Variants in SLK observed in about 807,000 individuals in gnomAD.
The protein encoded by SLK is STE20 like kinase.
In SLK, 67 loss-of-function variants were observed where a neutral mutation model predicts 147.7. That is an observed-to-expected ratio of 0.45 (90% CI 0.37 to 0.56). The LOEUF is 0.56. SLK is among the 20% of genes least tolerant of loss of function. SLK has a pLI of 0.00. For missense variants in SLK, 1,136 were observed against 1,438.8 expected (o/e 0.79, Z 3.41); for synonymous variants, 441 against 475.0 (o/e 0.93, Z 0.93).
At chr10:103,968,216 G>T (rs1340307929) in intron 1 of SLK, among the ~76,000 whole-genome samples, 2 of 152,208 alleles carry the variant, frequency 1.3e-5, no homozygotes, top group Non-Finnish European at 2.9e-5. Context: ...AAGTATTTTA[G>T]AATGAGAAAC....
chr10:104,015,296 C>T (rs1844448080), intron 13 of SLK, among the ~76,000 whole-genome samples: 1 of 152,164 alleles, frequency 6.6e-6, no homozygotes, highest in African/African-American at 2.4e-5. Flanking sequence ...ACCTGTTGAT[C>T]CCTATCTTAC....
intron 14 of SLK, 136 bp downstream of exon 14, chr10:104,018,425 C>T: frequency 1.3e-6 from 1 of 780,174 alleles, no homozygotes; most frequent in South Asian, 1.8e-5. Context: ...ATTTTGTGTA[C>T]TCATTATGCC....
At chr10:104,022,075 C>A (rs1039841216) in intron 18 of SLK, among the ~76,000 whole-genome samples, 2 of 152,064 alleles carry the variant, frequency 1.3e-5, no homozygotes, top group Non-Finnish European at 2.9e-5. Context: ...TAAGAACTTG[C>A]TAAGCGGATG....
Position 103,967,481 on chromosome 10 carries a change from A to AGG in SLK, c.-263_-262dup, listed in dbSNP as rs1233080386. The AGG allele has an allele frequency of 6.7e-6, 1 of 149,822 alleles. No individual in the cohort carries two copies. Among genetic ancestry groups the AGG allele is most frequent in the East Asian group, 2.0e-4 (1 of 5,074 alleles). The allele number at this position is 149,822 out of a possible 1,614,324, so 9.3% of individuals were successfully genotyped here. On this transcript the variant is annotated 5_prime_UTR_variant, in exon 1 of 19. Coordinates refer to ENST00000369755, the MANE Select transcript of SLK (RefSeq NM_014720.4). The stretch of plus-strand genomic sequence containing the variant: ...GCTTGCGGGCAGGTGCCGCTCCCGG[A>AGG]GGGTGGGCCGGAGGCGAGGCGCCCA...
Position 104,002,961 on chromosome 10 carries a change from G to A in SLK, c.1783G>A (p.Gly595Ser). The A allele has an allele frequency of 6.2e-7, 1 of 1,613,658 alleles. No individual in the cohort carries two copies. Among genetic ancestry groups the A allele is most frequent in the South Asian group, 1.1e-5 (1 of 91,056 alleles). ...INKPMVGPEA[G>S]GTKEVPIKEI... ...TAAGCCCATGGTGGGTCCTGAGGCT[G>A]GTGGTACTAAGGAAGTTCCTATTAA... The change falls in exon 9 of 19, where the codon GGT becomes AGT. Residue 595 changes from glycine (G) to serine (S), a missense_variant. By Grantham distance (56) the Gly-to-Ser change is moderately conservative (BLOSUM62 0). Transcript: ENST00000369755.
Position 103,967,710 on chromosome 10 carries a change from T to G in SLK, c.-36T>G, listed in dbSNP as rs377590120. On this transcript the variant is annotated 5_prime_UTR_variant, in exon 1 of 19. Transcript: ENST00000369755. Reference sequence around the variant, plus strand: ...AAACTTTGCCTTTTATTGTTTTTAGTCCTTAAGTGCAAGGAACTCTGTGTT... The same window carrying G: ...AAACTTTGCCTTTTATTGTTTTTAGGCCTTAAGTGCAAGGAACTCTGTGTT... 1 of 1,606,952 alleles carries G rather than the reference T, an allele frequency of 6.2e-7. No individual in the cohort carries two copies. Among genetic ancestry groups the G allele is most frequent in the South Asian group, 1.1e-5 (1 of 90,610 alleles).
chr10:103,999,495 C>T (rs962264315), intron 6 of SLK, among the ~76,000 whole-genome samples, 182 bp downstream of exon 6: 1 of 152,208 alleles, frequency 6.6e-6, no homozygotes, highest in African/African-American at 2.4e-5. Context: ...TCTTCGAGCT[C>T]ACTTTTCCCA....
At chr10:103,977,062 G>T (rs1259022359) in intron 1 of SLK, among the ~76,000 whole-genome samples, 1 of 151,980 alleles carries the variant, frequency 6.6e-6, no homozygotes, top group Non-Finnish European at 1.5e-5. Context: ...AGCACCACTG[G>T]TTGAGTGTAA....
chr10:104,021,454 A>G (rs1364245068), intron 17 of SLK, among the ~76,000 whole-genome samples, 166 bp from the exon 18 acceptor site: 1 of 152,260 alleles, frequency 6.6e-6, no homozygotes, highest in Non-Finnish European at 1.5e-5. Context: ...AAATGAAGCT[A>G]TGATTCATTT....
chr10:104,018,063 G>T (rs1844486479), intron 13 of SLK, 97 bp from the exon 14 acceptor site: 5 of 1,016,384 alleles, frequency 4.9e-6, no homozygotes, highest in Admixed American at 6.7e-5. Flanking sequence ...AACTTGGTTT[G>T]GAAATCTTGT....
At position 103,992,976 on chromosome 10, in the gene SLK, C is replaced by A; in HGVS notation, c.365-8C>A. On this transcript the variant is annotated splice_region_variant and splice_polypyrimidine_tract_variant and intron_variant, in intron 3 of 18. Coordinates refer to ENST00000369755, the MANE Select transcript of SLK (RefSeq NM_014720.4). ...AAGCAGATTTTTTTTTTTACTTTCT[C>A]CTTATAGAACTTGAGAGACCATTAA... 3 of 1,598,018 alleles carry A rather than the reference C, an allele frequency of 1.9e-6. No homozygotes were observed. The highest frequency in any genetic ancestry group is 2.6e-6 in the Non-Finnish European group (3 of 1,173,476).
rs753650385 is a variant in SLK at position 104,008,243 on chromosome 10, C to T, written c.2671C>T (p.Arg891Cys). 1.4e-5 allele frequency: 22 copies of T among 1,613,678 alleles called. No individual in the cohort carries two copies. Among genetic ancestry groups the T allele is most frequent in the African/African-American group, 6.7e-5 (5 of 74,844 alleles). The change falls in exon 12 of 19, where the codon CGC (arginine) becomes TGC (cysteine). Residue 891 changes from arginine (R) to cysteine (C), a missense_variant. Transcript: ENST00000369755. ...AAAACAGCAGAAACAGACTATCGAACGCCTGGAACAAGAGCACACAAATCG... is the reference window on the plus strand; with the variant it reads ...AAAACAGCAGAAACAGACTATCGAATGCCTGGAACAAGAGCACACAAATCG... ...LEKQQKQTIERLEQEHTNRLR... is the reference protein window; with the variant it reads ...LEKQQKQTIECLEQEHTNRLR...
rs1276466030 is a variant in SLK at position 103,977,261 on chromosome 10, T to G, written c.150+9366T>G. Among the ~76,000 whole-genome samples the G allele has an allele frequency of 2.0e-5, 3 of 152,152 alleles. No homozygotes were observed. The East Asian group carries it at 5.8e-4, about 29-fold the overall frequency. On this transcript the variant is annotated intron_variant, in intron 1 of 18. Transcript: ENST00000369755. Reference sequence around the variant, plus strand: ...AAATAAATTTATTAGAAAACAAAGGTTGAAAATAAACAGAATGAACAAACT... The same window carrying G: ...AAATAAATTTATTAGAAAACAAAGGGTGAAAATAAACAGAATGAACAAACT...
intron 5 of SLK, 70 bp from the exon 6 acceptor site, chr10:103,999,049 A>G (rs1464673507): frequency 1.6e-5 from 24 of 1,543,670 alleles, no homozygotes; most frequent in Non-Finnish European, 2.0e-5. Flanking sequence ...TGTCCACATA[A>G]TTGATTATAC....
chr10:104,025,524 C>T (rs573111786), intron 18 of SLK, 50 bp from the exon 19 acceptor site: 1 of 1,559,202 alleles, frequency 6.4e-7, no homozygotes, highest in South Asian at 1.2e-5. Flanking sequence ...AGCATAAATT[C>T]TATATATAAT....
rs985285898 is a variant in SLK at position 104,025,792 on chromosome 10, C to G, written c.*72C>G. 7.5e-7 allele frequency: 1 copy of G among 1,324,776 alleles called. No homozygotes were observed. Among genetic ancestry groups the G allele is most frequent in the Non-Finnish European group, 1.1e-6 (1 of 941,986 alleles). 82.1% of individuals were successfully genotyped at this position (1,324,776 alleles called of 1,614,324 possible). A position where few individuals can be genotyped will look rare whatever the true frequency, so the allele number is the denominator to read the frequency against. On this transcript the variant is annotated 3_prime_UTR_variant, in exon 19 of 19. Transcript: ENST00000369755. ...TTCTGTTCTCATCTTCTGCCACAGT[C>G]TCTCAGATAGCTCATGAAGACAATC... is the stretch of plus-strand genomic sequence containing the variant.
At chr10:104,010,766 C>A in intron 12 of SLK, 50 bp from the exon 13 acceptor site, 1 of 1,188,462 alleles carries the variant, frequency 8.4e-7, no homozygotes, top group Non-Finnish European at 1.2e-6. Flanking sequence ...TAAATGCTTG[C>A]TGTGGAGAAA....
intron 6 of SLK, 47 bp downstream of exon 6, chr10:103,999,360 G>C (rs570427830): frequency 1.5e-6 from 2 of 1,354,116 alleles, no homozygotes; most frequent in South Asian, 2.8e-5. Flanking sequence ...ATGATACTAG[G>C]AAGCAGAACT....
intron 4 of SLK, among the ~76,000 whole-genome samples, chr10:103,996,883 CT>C (rs1433053510): frequency 2.0e-5 from 3 of 151,994 alleles, no homozygotes; most frequent in Non-Finnish European, 4.4e-5. Context: ...TTCTCAAGTC[CT>C]TTTTTAGCTT....
Sources: allele counts gnomAD v4.1 joint callset (sites outside exome capture counted in the v4.1 genomes callset), GRCh38; gene constraint gnomAD v4.1.1; transcripts MANE v1.5; gene names NCBI Gene and HGNC (gene_info 2026-07-23, HGNC 2026-07-21).